Variants in MITF observed in about 807,000 individuals in gnomAD.
The protein encoded by MITF is melanocyte inducing transcription factor.
MITF carries 17 observed loss-of-function variants against 60.5 expected under a neutral mutation model. The observed-to-expected ratio is 0.28, with a 90% CI of 0.19 to 0.42. MITF has a LOEUF of 0.42. Among genes scored for constraint, MITF ranks in the 10% least tolerant of loss-of-function variants. The probability of loss-of-function intolerance (pLI) is 1.00; values close to 1 mark genes in which losing one functional copy is unlikely to be tolerated. For synonymous variants in MITF, 260 were observed against 248.5 expected, an observed-to-expected ratio of 1.05 and a Z score of -0.43; for missense variants, 622 against 683.5, an observed-to-expected ratio of 0.91 and a Z score of 1.00.
chr3:69,788,292 G>A (rs1006610085), intron 1 of MITF, among the ~76,000 whole-genome samples: 4 of 81,330 alleles, frequency 4.9e-5, no homozygotes, highest in African/African-American at 2.1e-4. Flanking sequence ...CCCCTCCCCC[G>A]ACCCCACAAC....
At chr3:69,937,370 G>GTC (rs895449918) in intron 2 of MITF, among the ~76,000 whole-genome samples, 1 of 133,204 alleles carries the variant, frequency 7.5e-6, no homozygotes, top group Non-Finnish European at 1.6e-5. Context: ...AAGGAGGTGT[G>GTC]TGTGTGTGTG....
chr3:69,949,051 T>C lies in MITF; in HGVS notation c.763T>C (p.Leu255=), dbSNP rs1427279001. Residue 255 remains leucine (L), a splice_region_variant and synonymous_variant, in exon 6 of 10, where the codon TTG becomes CTG. Coordinates refer to ENST00000352241, the MANE Select transcript of MITF (RefSeq NM_001354604.2). ...MDPALQMANT[L]PVSGNLIDLY... is the part of the protein sequence containing the mutation. Reference sequence around the variant, plus strand: ...TCTGTTACTGTTTGTCTCTCTCTAGTTGCCTGTCTCGGGAAACTTGATTGA... The same window carrying C: ...TCTGTTACTGTTTGTCTCTCTCTAGCTGCCTGTCTCGGGAAACTTGATTGA... 6.2e-7 allele frequency: 1 copy of C among 1,610,702 alleles called. No homozygotes were observed. Among genetic ancestry groups the C allele is most frequent in the African/African-American group, 1.3e-5 (1 of 74,846 alleles).
At chr3:69,895,493 G>A (rs984942692) in intron 2 of MITF, among the ~76,000 whole-genome samples, 3 of 151,900 alleles carry the variant, frequency 2.0e-5, no homozygotes, top group South Asian at 4.1e-4. Flanking sequence ...AAACTGCCAC[G>A]AGTTTATTTA....
chr3:69,747,477 G>A (rs920442564), intron 1 of MITF, among the ~76,000 whole-genome samples: 1 of 152,214 alleles, frequency 6.6e-6, no homozygotes, highest in African/African-American at 2.4e-5. Context: ...TCTCTCTTCT[G>A]TAAAACGGGA....
chr3:69,751,085 T>C (rs892268645), intron 1 of MITF, among the ~76,000 whole-genome samples: 9 of 152,310 alleles, frequency 5.9e-5, no homozygotes, highest in Non-Finnish European at 1.5e-5. Flanking sequence ...TATTTTAATC[T>C]ACACTCTAAA....
intron 2 of MITF, among the ~76,000 whole-genome samples, chr3:69,885,412 G>C (rs1199942681): frequency 6.6e-6 from 1 of 152,006 alleles, no homozygotes; most frequent in Non-Finnish European, 1.5e-5. Context: ...AAAATATTAA[G>C]GTCTGGGGCC....
intron 2 of MITF, among the ~76,000 whole-genome samples, chr3:69,906,311 C>A (rs1164102520): frequency 6.6e-6 from 1 of 152,032 alleles, no homozygotes; most frequent in Non-Finnish European, 1.5e-5. Flanking sequence ...GTCTGTTTTT[C>A]TTCCTTGACA....
intron 1 of MITF, among the ~76,000 whole-genome samples, chr3:69,822,958 G>A (rs1001016403): frequency 6.6e-6 from 1 of 151,538 alleles, no homozygotes; most frequent in African/African-American, 2.4e-5. Context: ...GAGTACAGTG[G>A]TGCAATCTCG....
chr3:69,783,700 T>G (rs73111973), intron 1 of MITF, among the ~76,000 whole-genome samples: 20,472 of 149,706 alleles, frequency 0.14, 1,777 homozygotes, highest in Non-Finnish European at 0.19. Flanking sequence ...CCAGAATATG[T>G]TTTTTTTTGT....
chr3:69,761,155 GT>G (rs1171587409), intron 1 of MITF, among the ~76,000 whole-genome samples: 1 of 152,188 alleles, frequency 6.6e-6, no homozygotes, highest in African/African-American at 2.4e-5. Flanking sequence ...TTATACTGGA[GT>G]TAAGGAAGGT....
chr3:69,936,618 T>C, intron 2 of MITF: 1 of 1,572,508 alleles, frequency 6.4e-7, no homozygotes, highest in Non-Finnish European at 8.6e-7. Flanking sequence ...ACCTTGTTTA[T>C]AGTACCTTCT....
intron 1 of MITF, among the ~76,000 whole-genome samples, chr3:69,809,891 T>G (rs1239255590): frequency 6.6e-6 from 1 of 152,348 alleles, no homozygotes; most frequent in East Asian, 1.9e-4. Flanking sequence ...GACTCTCTTA[T>G]GCGTCTCTCT....
intron 6 of MITF, among the ~76,000 whole-genome samples, chr3:69,950,448 TTATATATATATA>T (rs10604038): frequency 3.1e-5 from 4 of 130,792 alleles, no homozygotes; most frequent in Non-Finnish European, 4.9e-5. Flanking sequence ...AACTTCTGAG[TTATATATATATA>T]TATATATATA....
chr3:69,888,527 A>G (rs1351973625), intron 2 of MITF, among the ~76,000 whole-genome samples: 1 of 151,784 alleles, frequency 6.6e-6, no homozygotes. Flanking sequence ...GTACGGGATA[A>G]AATTGGGGAT....
At chr3:69,797,702 G>C (rs577310013) in intron 1 of MITF, among the ~76,000 whole-genome samples, 2 of 152,040 alleles carry the variant, frequency 1.3e-5, no homozygotes, top group Non-Finnish European at 2.9e-5. Context: ...AGAATAATAC[G>C]ATTCCCCAAG....
intron 1 of MITF, among the ~76,000 whole-genome samples, chr3:69,813,888 C>T (rs2063139836): frequency 6.6e-6 from 1 of 152,006 alleles, no homozygotes; most frequent in African/African-American, 2.4e-5. Flanking sequence ...TTCTGGAGAC[C>T]CCTTAAAATC....
At chr3:69,799,976 A>T (rs902439320) in intron 1 of MITF, among the ~76,000 whole-genome samples, 1 of 152,212 alleles carries the variant, frequency 6.6e-6, no homozygotes, top group African/African-American at 2.4e-5. Context: ...CACATAAATG[A>T]AATTTATCAT....
chr3:69,760,797 G>C (rs2062200557), intron 1 of MITF, among the ~76,000 whole-genome samples: 1 of 152,128 alleles, frequency 6.6e-6, no homozygotes, highest in Admixed American at 6.5e-5. Flanking sequence ...AGGTAACCAG[G>C]CTCAGCTTAC....
At chr3:69,822,758 C>T (rs142926258) in intron 1 of MITF, among the ~76,000 whole-genome samples, 2 of 152,296 alleles carry the variant, frequency 1.3e-5, no homozygotes, top group African/African-American at 2.4e-5. Context: ...ACACCAAATA[C>T]TTGCTTGCTT....
Sources: gnomAD v4.1 joint callset for allele counts (sites outside exome capture counted in the v4.1 genomes callset) on GRCh38, gnomAD v4.1.1 for gene constraint, MANE v1.5 for transcripts, NCBI Gene and HGNC (gene_info 2026-07-23, HGNC 2026-07-21) for gene names.